Variants in SAMMSON observed in about 807,000 individuals in gnomAD.
SAMMSON encodes long intergenic non-protein coding RNA 1212.
chr3:70,374,028 T>A (rs1190079912), intron 9 of SAMMSON, among the ~76,000 whole-genome samples: 1 of 152,028 alleles, frequency 6.6e-6, no homozygotes, highest in East Asian at 1.9e-4. Context: ...GATTCTCCTG[T>A]ATCAGCCTCT....
intron 2 of SAMMSON, among the ~76,000 whole-genome samples, chr3:70,423,374 G>A (rs1335469233): frequency 1.3e-5 from 2 of 152,106 alleles, no homozygotes; most frequent in African/African-American, 4.8e-5. Context: ...ATAGAATCAA[G>A]GTGGTTTTAT....
At chr3:70,057,363 AATGTTTCTAT>A (rs2067171845) in intron 3 of SAMMSON, among the ~76,000 whole-genome samples, 1 of 152,042 alleles carries the variant, frequency 6.6e-6, no homozygotes, top group African/African-American at 2.4e-5. Context: ...ATTTTAAAAG[AATGTTTCTAT>A]ATACATTTTT....
At chr3:70,161,124 CT>C (rs2067613726) in intron 4 of SAMMSON, among the ~76,000 whole-genome samples, 1 of 151,880 alleles carries the variant, frequency 6.6e-6, no homozygotes, top group African/African-American at 2.4e-5. Flanking sequence ...ATTTTATCTC[CT>C]TTTTTCCAGC....
At chr3:70,379,998 G>A (rs1703052182) in intron 9 of SAMMSON, among the ~76,000 whole-genome samples, 1 of 152,020 alleles carries the variant, frequency 6.6e-6, no homozygotes, top group South Asian at 2.1e-4. Context: ...GATTTGGGGT[G>A]TAATTTTTTC....
At chr3:70,379,516 T>C (rs1398973104) in intron 9 of SAMMSON, among the ~76,000 whole-genome samples, 1 of 152,148 alleles carries the variant, frequency 6.6e-6, no homozygotes, top group Non-Finnish European at 1.5e-5. Context: ...CAACTTTACA[T>C]GACCCATGAG....
intron 9 of SAMMSON, among the ~76,000 whole-genome samples, chr3:70,367,882 T>A (rs1404150564): frequency 6.6e-6 from 1 of 151,488 alleles, no homozygotes; most frequent in Non-Finnish European, 1.5e-5. Context: ...TCCTTGCCAG[T>A]GTCTGTCTTT....
chr3:70,124,870 T>C (rs536771319), intron 4 of SAMMSON, among the ~76,000 whole-genome samples: 35 of 150,142 alleles, frequency 2.3e-4, no homozygotes, highest in Middle Eastern at 3.4e-3. Flanking sequence ...AAATAATTTA[T>C]TATATTTGAG....
chr3:70,136,766 CTATACTTACTAATGCAAAGTGTAG>C (rs1199820261), intron 4 of SAMMSON, among the ~76,000 whole-genome samples: 1 of 152,162 alleles, frequency 6.6e-6, no homozygotes, highest in African/African-American at 2.4e-5. Context: ...TAAGGTTTAA[CTATACTTACTAATGCAAAGTGTAG>C]AATTTGAAGG....
intron 9 of SAMMSON, among the ~76,000 whole-genome samples, chr3:70,382,630 G>A (rs986363501): frequency 4.0e-5 from 6 of 148,804 alleles, no homozygotes; most frequent in African/African-American, 1.2e-4. Context: ...CAAGCAGATA[G>A]CAATTCTGTA....
intron 4 of SAMMSON, among the ~76,000 whole-genome samples, chr3:70,224,468 C>T (rs1701486026): frequency 6.6e-6 from 1 of 152,198 alleles, no homozygotes; most frequent in Non-Finnish European, 1.5e-5. Flanking sequence ...AAGAAAAGCG[C>T]TTCATTCTCT....
intron 1 of SAMMSON, among the ~76,000 whole-genome samples, chr3:70,009,930 T>C (rs1320789737): frequency 6.8e-6 from 1 of 148,004 alleles, no homozygotes; most frequent in Non-Finnish European, 1.5e-5. Flanking sequence ...TTGTTCAGTT[T>C]CCATGTAGTT....
intron 4 of SAMMSON, among the ~76,000 whole-genome samples, chr3:70,118,848 G>T (rs1300507173): frequency 6.6e-6 from 1 of 152,104 alleles, no homozygotes; most frequent in Admixed American, 6.5e-5. Flanking sequence ...ACTCTTAAGT[G>T]ATATAGCTAA....
rs149230302 is a variant in SAMMSON, at chr3:70,136,656, T to C, written n.507+65091T>C. 3.0e-3 allele frequency among the ~76,000 whole-genome samples: 460 copies of C among 152,332 alleles called. 1 individual carries two copies. Among genetic ancestry groups the C allele is most frequent in the African/African-American group, 0.011 (439 of 41,588 alleles). On this transcript the variant is annotated intron_variant and non_coding_transcript_variant, in intron 4 of 9. Transcript: ENST00000642114. ...TTTGGGGGAGTAATTTGCCATGCAG[T>C]AATAGATAGCTGGTATAAACTGAAA...
At chr3:70,287,227 G>A (rs1455914451) in intron 6 of SAMMSON, among the ~76,000 whole-genome samples, 25 of 136,488 alleles carry the variant, frequency 1.8e-4, no homozygotes, top group African/African-American at 5.7e-4. Flanking sequence ...TTTGAAATAC[G>A]TCCCATCAAT....
At chr3:70,249,914 C>CA (rs1701744667) in intron 6 of SAMMSON, among the ~76,000 whole-genome samples, 2 of 151,978 alleles carry the variant, frequency 1.3e-5, no homozygotes, top group South Asian at 4.2e-4. Flanking sequence ...AATTTTCTGG[C>CA]AAAAAAGGAA....
At chr3:70,340,804 A>C (rs575392469) in intron 7 of SAMMSON, among the ~76,000 whole-genome samples, 17 of 152,174 alleles carry the variant, frequency 1.1e-4, no homozygotes, top group African/African-American at 4.1e-4. Context: ...CCTTTTACTT[A>C]GCTGATTTTG....
chr3:70,193,791 T>C (rs1701149770), intron 4 of SAMMSON, among the ~76,000 whole-genome samples: 1 of 152,224 alleles, frequency 6.6e-6, no homozygotes, highest in African/African-American at 2.4e-5. Context: ...CTCCATTTTG[T>C]TGAGAGAAAG....
At chr3:70,168,877 A>G (rs1157358442) in intron 4 of SAMMSON, among the ~76,000 whole-genome samples, 1 of 151,992 alleles carries the variant, frequency 6.6e-6, no homozygotes, top group Non-Finnish European at 1.5e-5. Flanking sequence ...ACCCACACCA[A>G]TATGTTTGCT....
At chr3:70,320,873 A>G (rs1429508882) in intron 7 of SAMMSON, among the ~76,000 whole-genome samples, 1 of 152,128 alleles carries the variant, frequency 6.6e-6, no homozygotes, top group Non-Finnish European at 1.5e-5. Flanking sequence ...TGTGAGGGAA[A>G]GCAAAGTAGG....
Sources: gnomAD v4.1 joint callset for allele counts (sites outside exome capture counted in the v4.1 genomes callset) on GRCh38, gnomAD v4.1.1 for gene constraint, MANE v1.5 for transcripts, NCBI Gene and HGNC (gene_info 2026-07-23, HGNC 2026-07-21) for gene names.